Variants in CYP27A1 observed in about 807,000 individuals in gnomAD.
The protein encoded by CYP27A1 is cytochrome P450 family 27 subfamily A member 1, also known as sterol 26-hydroxylase, mitochondrial.
CYP27A1 carries 46 observed loss-of-function variants against 58.2 expected under a neutral mutation model. The ratio of observed to expected loss-of-function variants is 0.79; its 90% CI spans 0.62 to 1.01. The LOEUF (loss-of-function observed/expected upper bound fraction) is 1.01. CYP27A1 is among the 50% of genes least tolerant of loss of function. The pLI is 0.00. For synonymous variants in CYP27A1, 274 were observed against 285.1 expected (o/e 0.96, Z 0.39); for missense variants, 704 against 687.0 (o/e 1.02, Z -0.28).
At chr2:218,809,275 CATA>C (rs1266493757) in intron 1 of CYP27A1, among the ~76,000 whole-genome samples, 4 of 152,042 alleles carry the variant, frequency 2.6e-5, no homozygotes, top group Non-Finnish European at 5.9e-5. Flanking sequence ...CTCAGTTTGC[CATA>C]TAGCCCATTT....
intron 1 of CYP27A1, among the ~76,000 whole-genome samples, chr2:218,802,432 G>A (rs894112609): frequency 1.3e-5 from 2 of 152,040 alleles, no homozygotes; most frequent in Non-Finnish European, 2.9e-5. Flanking sequence ...CTTCCTATAA[G>A]GTCTTTACTA....
At chr2:218,810,848 A>G (rs1194918273) in intron 2 of CYP27A1, among the ~76,000 whole-genome samples, 2 of 152,108 alleles carry the variant, frequency 1.3e-5, no homozygotes, top group African/African-American at 2.4e-5. Flanking sequence ...AAGAAAAAAT[A>G]TATATTAAAA....
rs967210940 is a variant in CYP27A1, at chr2:218,782,281, C to A, written c.99C>A (p.Ala33=). ...HGARAKAAIP[A]ALPSDKATGA... ...CCAGAGCCAAGGCCGCGATCCCTGCCGCCCTCCCCTCGGACAAGGCCACCG... is the reference window on the plus strand; with the variant it reads ...CCAGAGCCAAGGCCGCGATCCCTGCAGCCCTCCCCTCGGACAAGGCCACCG... Residue 33 remains alanine, a synonymous_variant, in exon 1 of 9, where the codon GCC becomes GCA. Transcript: ENST00000258415. The surrounding 1 kb of genome is among the most constrained non-coding windows in gnomAD (Gnocchi z 4.1). 17 of 1,586,136 alleles carry A rather than the reference C, an allele frequency of 1.1e-5. No individual in the cohort carries two copies. The highest frequency in any genetic ancestry group is 1.5e-5 in the Non-Finnish European group (17 of 1,166,286).
chr2:218,814,795 A>G, intron 8 of CYP27A1, 38 bp downstream of exon 8: 1 of 1,613,296 alleles, frequency 6.2e-7, no homozygotes. Context: ...GTGGGCAGGG[A>G]GGGGTGGAGG....
At chr2:218,790,218 G>A (rs570553973) in intron 1 of CYP27A1, among the ~76,000 whole-genome samples, 4 of 152,112 alleles carry the variant, frequency 2.6e-5, no homozygotes, top group Non-Finnish European at 5.9e-5. Flanking sequence ...ATAGGTTATG[G>A]TGCCTCTCAT....
intron 1 of CYP27A1, among the ~76,000 whole-genome samples, chr2:218,806,331 G>T (rs1022498923): frequency 6.6e-6 from 1 of 152,220 alleles, no homozygotes; most frequent in Non-Finnish European, 1.5e-5. Flanking sequence ...TGGACTTATT[G>T]CAGTAGTTCT....
chr2:218,812,759 C>T lies in CYP27A1; in HGVS notation c.844+10C>T. 1.2e-6 allele frequency: 2 copies of T among 1,614,034 alleles called. No individual in the cohort carries two copies. The highest frequency in any genetic ancestry group is 1.7e-6 in the Non-Finnish European group (2 of 1,179,924). On this transcript the variant is annotated intron_variant, in intron 4 of 8. Transcript: ENST00000258415. Reference sequence around the variant, plus strand: ...GCCATCTTTTCCTTTGGTGAGGACTCCCAGATGGGGCCCAGGGAAGAGAGA... The same window carrying T: ...GCCATCTTTTCCTTTGGTGAGGACTTCCAGATGGGGCCCAGGGAAGAGAGA...
chr2:218,785,995 G>A (rs933995), intron 1 of CYP27A1, among the ~76,000 whole-genome samples: 79,740 of 151,968 alleles, frequency 0.52, 22,222 homozygotes, highest in African/African-American at 0.7. Flanking sequence ...CATCAAAGCT[G>A]CAGCTTTGGC....
At chr2:218,807,979 A>G (rs929555366) in intron 1 of CYP27A1, among the ~76,000 whole-genome samples, 7 of 152,154 alleles carry the variant, frequency 4.6e-5, no homozygotes, top group Non-Finnish European at 1.0e-4. Flanking sequence ...TACAAATACT[A>G]TATATTCTTA....
chr2:218,793,756 C>G (rs772588589), intron 1 of CYP27A1, among the ~76,000 whole-genome samples: 46 of 150,764 alleles, frequency 3.1e-4, no homozygotes, highest in Non-Finnish European at 6.0e-4. Context: ...ACTTTTTCAC[C>G]CAGGCTGGAG....
chr2:218,801,832 T>C (rs1471564771), intron 1 of CYP27A1, among the ~76,000 whole-genome samples: 3 of 152,158 alleles, frequency 2.0e-5, no homozygotes, highest in Admixed American at 6.5e-5. Flanking sequence ...TTTTAAAATC[T>C]TTATCCCACC....
At chr2:218,789,815 C>T (rs1402025436) in intron 1 of CYP27A1, among the ~76,000 whole-genome samples, 2 of 152,176 alleles carry the variant, frequency 1.3e-5, no homozygotes, top group African/African-American at 4.8e-5. Context: ...TTGGAACCCA[C>T]TGGGAAATAG....
In CYP27A1 at chr2:218,812,661, C is replaced by T; in HGVS notation, c.756C>T (p.Leu252=). The T allele has an allele frequency of 6.2e-7, 1 of 1,614,242 alleles. No individual in the cohort carries two copies. Among genetic ancestry groups the T allele is most frequent in the Non-Finnish European group, 8.5e-7 (1 of 1,180,048 alleles). Residue 252 remains leucine (L), a synonymous_variant, in exon 4 of 9, where the codon CTC becomes CTT. Coordinates refer to ENST00000258415, the MANE Select transcript of CYP27A1 (RefSeq NM_000784.4). ...RSIGLMFQNS[L]YATFLPKWTR... ...TCGGGTTAATGTTCCAGAACTCACT[C>T]TATGCCACCTTCCTCCCCAAGTGGA...
Position 218,815,231 on chromosome 2 carries a change from C to T in CYP27A1, c.*201C>T. 1.6e-6 allele frequency: 1 copy of T among 608,648 alleles called. No individual in the cohort carries two copies. The highest frequency in any genetic ancestry group is 2.9e-6 in the Non-Finnish European group (1 of 342,514). 37.7% of individuals were successfully genotyped at this position (608,648 alleles called of 1,614,324 possible). On this transcript the variant is annotated 3_prime_UTR_variant, in exon 9 of 9. Coordinates refer to ENST00000258415, the MANE Select transcript of CYP27A1 (RefSeq NM_000784.4). Reference sequence around the variant, plus strand: ...ACTCCCTCTCAGCTAAAAGGCCACCCCTTTATCGCATTGCTGTCCTTGGGT... The same window carrying T: ...ACTCCCTCTCAGCTAAAAGGCCACCTCTTTATCGCATTGCTGTCCTTGGGT...
At chr2:218,790,110 G>T (rs548476326) in intron 1 of CYP27A1, among the ~76,000 whole-genome samples, 1 of 152,220 alleles carries the variant, frequency 6.6e-6, no homozygotes, top group South Asian at 2.1e-4. Context: ...TCCTCTTTTG[G>T]TCAGTTTCTT....
chr2:218,797,475 A>G (rs535099668), intron 1 of CYP27A1, among the ~76,000 whole-genome samples: 10 of 152,328 alleles, frequency 6.6e-5, no homozygotes, highest in Admixed American at 5.2e-4. Flanking sequence ...ATATATCAGC[A>G]TTATTCACCA....
At chr2:218,789,726 G>A (rs1363108295) in intron 1 of CYP27A1, among the ~76,000 whole-genome samples, 5 of 152,118 alleles carry the variant, frequency 3.3e-5, no homozygotes, top group Non-Finnish European at 7.3e-5. Flanking sequence ...CCCCACTTTC[G>A]GTTATTTCAG....
intron 2 of CYP27A1, among the ~76,000 whole-genome samples, chr2:218,810,415 G>A (rs1216639602): frequency 6.6e-6 from 1 of 152,126 alleles, no homozygotes; most frequent in Non-Finnish European, 1.5e-5. Flanking sequence ...ATTATGTAGA[G>A]CCCTTTGTAA....
intron 1 of CYP27A1, 101 bp from the exon 2 acceptor site, chr2:218,809,476 T>C (rs545026554): frequency 4.6e-6 from 3 of 650,116 alleles, no homozygotes; most frequent in Non-Finnish European, 5.3e-6. Context: ...CCCAGCTCAT[T>C]TGCTCTTGTG....
Sources: gnomAD v4.1 joint callset for allele counts (sites outside exome capture counted in the v4.1 genomes callset) on GRCh38, gnomAD v4.1.1 for gene constraint, Gnocchi (gnomAD v3.1) non-coding constraint, MANE v1.5 for transcripts, NCBI Gene and HGNC (gene_info 2026-07-23, HGNC 2026-07-21) for gene names.